SEC16B: variants seen among roughly 807,000 people sequenced by gnomAD.
SEC16B encodes the protein protein transport protein Sec16B.
Under a neutral mutation model 141.8 loss-of-function variants are expected in SEC16B, and 115 were observed. The ratio of observed to expected loss-of-function variants is 0.81; its 90% CI spans 0.70 to 0.95. The LOEUF is 0.95. Among genes scored for constraint, SEC16B ranks in the 40% least tolerant of loss-of-function variants. SEC16B has a pLI of 0.00. For missense variants in SEC16B, 1,291 were observed against 1,312.3 expected, an observed-to-expected ratio of 0.98 and a Z score of 0.25; for synonymous variants, 493 against 492.5, an observed-to-expected ratio of 1.00 and a Z score of -0.01.
chr1:177,975,375 A>C lies in SEC16B; in HGVS notation c.-58-7336T>G, dbSNP rs543456545. ...CAGCTTATACTGTATGACTGTACCC[A>C]ATAGTTTTCATAGCCTGAGTATAGA... On this transcript the variant is annotated intron_variant and NMD_transcript_variant, in intron 1 of 24. Coordinates refer to the SEC16B transcript ENST00000528461. 7.2e-5 allele frequency among the ~76,000 whole-genome samples: 11 copies of C among 152,336 alleles called. No homozygotes were observed. The East Asian group carries it at 1.9e-3, about 27-fold the overall frequency.
chr1:177,940,462 C>A, intron 17 of SEC16B, 148 bp downstream of exon 17: 1 of 580,676 alleles, frequency 1.7e-6, no homozygotes, highest in East Asian at 2.9e-5. Flanking sequence ...CAGACACCAA[C>A]TGTGCCTCAT....
chr1:177,946,308 G>T, intron 14 of SEC16B, 112 bp downstream of exon 14: 2 of 818,096 alleles, frequency 2.4e-6, no homozygotes, highest in Non-Finnish European at 4.2e-6. Context: ...GGGAGCCGGC[G>T]GTAGCTGAAA....
chr1:177,961,790 A>G, intron 5 of SEC16B, 56 bp from the exon 6 acceptor site: 1 of 1,543,698 alleles, frequency 6.5e-7, no homozygotes, highest in Admixed American at 1.8e-5. Context: ...TGGTCTTCTC[A>G]AGCGTTCCTT....
At chr1:177,969,296 T>C (rs1653792050) in intron 1 of SEC16B, among the ~76,000 whole-genome samples, 1 of 152,194 alleles carries the variant, frequency 6.6e-6, no homozygotes, top group Non-Finnish European at 1.5e-5. Context: ...CCAAGAGCTA[T>C]GAGACGGCAG....
chr1:177,964,376 C>T (rs1424976739), intron 4 of SEC16B, 97 bp from the exon 5 acceptor site: 4 of 742,248 alleles, frequency 5.4e-6, no homozygotes, highest in Non-Finnish European at 8.8e-6. Context: ...AAAGCGTGGG[C>T]AGGTACCATG....
Position 177,958,823 on chromosome 1 carries a change from A to C in SEC16B, c.1134+17T>G. 6.2e-7 allele frequency: 1 copy of C among 1,607,586 alleles called. No individual in the cohort carries two copies. ...AATTTCAGCCTGCACCTGCTCTCCCACCAGAACAGAACTTACCCCATTCTG... is the reference window on the plus strand; with the variant it reads ...AATTTCAGCCTGCACCTGCTCTCCCCCCAGAACAGAACTTACCCCATTCTG... On this transcript the variant is annotated intron_variant, in intron 9 of 25. Transcript: ENST00000308284.
chr1:177,960,481 C>T lies in SEC16B; in HGVS notation c.937-78G>A, dbSNP rs1293500589. The stretch of plus-strand genomic sequence containing the variant: ...CTTTCAGTCAAGTCTAGTGTCAGAC[C>T]CCAAGGCCGTGGGGCTAGGATATGG... On this transcript the variant is annotated intron_variant, in intron 7 of 25. Transcript: ENST00000308284. The T allele has an allele frequency of 6.8e-6, 7 of 1,027,548 alleles. No homozygotes were observed. The Middle Eastern group carries it at 6.0e-4, about 88-fold the overall frequency. 63.7% of individuals were successfully genotyped at this position (1,027,548 alleles called of 1,614,324 possible). A position where few individuals can be genotyped will look rare whatever the true frequency, so the allele number is the denominator to read the frequency against.
intron 17 of SEC16B, among the ~76,000 whole-genome samples, chr1:177,940,318 T>A (rs1651180625): frequency 6.6e-6 from 1 of 152,092 alleles, no homozygotes. Flanking sequence ...TCATGAAACA[T>A]ATTCTCTGGG....
chr1:177,940,606 T>C lies in SEC16B; in HGVS notation c.2127+4A>G. 1.2e-6 allele frequency: 2 copies of C among 1,610,948 alleles called. No individual in the cohort carries two copies. Among genetic ancestry groups the C allele is most frequent in the African/African-American group, 2.7e-5 (2 of 75,010 alleles). On this transcript the variant is annotated splice_donor_region_variant and intron_variant, in intron 17 of 25. Transcript: ENST00000308284. The stretch of plus-strand genomic sequence containing the variant: ...CCCAACGCCCTGGCTCCAATCCCAC[T>C]CACCTCCAGCTGCCTCCGAAGTTGC...
chr1:177,982,462 A>G (rs535252885), intron 1 of SEC16B, among the ~76,000 whole-genome samples: 21 of 152,340 alleles, frequency 1.4e-4, no homozygotes, highest in Admixed American at 4.6e-4. Context: ...GCAGGCAGCA[A>G]GGGTATGAAT....
intron 12 of SEC16B, chr1:177,948,763 C>T (rs1441438679): frequency 9.4e-7 from 1 of 1,069,084 alleles, no homozygotes; most frequent in Non-Finnish European, 1.2e-6. Context: ...GAGCAAGTTT[C>T]TTAATGTCTC....
At chr1:177,962,032 C>T (rs1440736141) in intron 5 of SEC16B, among the ~76,000 whole-genome samples, 1 of 152,100 alleles carries the variant, frequency 6.6e-6, no homozygotes, top group Non-Finnish European at 1.5e-5. Flanking sequence ...GTGATATAAT[C>T]ATATCTGCCC....
intron 13 of SEC16B, among the ~76,000 whole-genome samples, chr1:177,947,172 T>TA (rs1443786062): frequency 6.6e-6 from 1 of 152,150 alleles, no homozygotes; most frequent in Non-Finnish European, 1.5e-5. Flanking sequence ...AGCAATATTT[T>TA]AAAAAGCCTC....
At chr1:177,971,347 T>G (rs867298563), upstream of SEC16B, 1 of 152,252 alleles carries the variant, frequency 6.6e-6, no homozygotes, top group Non-Finnish European at 1.5e-5. Flanking sequence ...CCCAAAGTGC[T>G]GGGATTACAG....
chr1:177,943,703 G>A (rs1022558108), intron 15 of SEC16B, among the ~76,000 whole-genome samples: 1 of 152,202 alleles, frequency 6.6e-6, no homozygotes. Context: ...CCCTGGATTC[G>A]GCTGTGGGAG....
chr1:177,943,519 ATTG>A (rs1436028005), intron 15 of SEC16B, among the ~76,000 whole-genome samples: 1 of 152,198 alleles, frequency 6.6e-6, no homozygotes, highest in African/African-American at 2.4e-5. Context: ...TGTTGTTGTA[ATTG>A]TTGTTGTTGC....
At position 177,967,822 on chromosome 1, in the gene SEC16B, C is replaced by A; in HGVS notation, c.160G>T (p.Gly54Trp). Residue 54 changes from glycine (G) to tryptophan (W), a missense_variant, in exon 2 of 26, where the codon GGG becomes TGG. Gly to Trp is a radical substitution (Grantham distance 184, BLOSUM62 -2). Around this residue, in one of 3 missense-constraint regions of SEC16B, gnomAD observed 681 missense variants for 675.5 expected, o/e 1.01. Coordinates refer to ENST00000308284, the MANE Select transcript of SEC16B (RefSeq NM_033127.4). ...GGCTCCTGCTGTGGCTGGGGGCTCC[C>A]ACGGTTGTCTTGCCATTGGTGAAAC... The part of the protein sequence containing the change: ...ERFHQWQDNR[G>W]SPQPQQEPRA... 6.2e-7 allele frequency: 1 copy of A among 1,614,018 alleles called. No individual in the cohort carries two copies.
chr1:177,934,528 C>T (rs1650695076), intron 20 of SEC16B, among the ~76,000 whole-genome samples: 1 of 152,138 alleles, frequency 6.6e-6, no homozygotes, highest in Admixed American at 6.5e-5. Flanking sequence ...TGACTTTGTG[C>T]CGGGCACTGT....
rs548158997 is a variant in SEC16B at position 177,957,854 on chromosome 1, T to C, written c.1365+278A>G. 4.9e-4 allele frequency among the ~76,000 whole-genome samples: 70 copies of C among 141,784 alleles called. 1 individual carries two copies. In the South Asian group the frequency reaches 6.0e-3, roughly 12 times the overall value. The allele number at this position is 141,784 out of a possible 152,430, so 93.0% of individuals were successfully genotyped here. On this transcript the variant is annotated intron_variant, in intron 10 of 25. Transcript: ENST00000308284. ...CTCTGATAACCATCCTTCTACTGTC[T>C]ATCTCCATGAGTTCAATTGTTTTGA...
Sources: gnomAD v4.1 joint callset for allele counts (sites outside exome capture counted in the v4.1 genomes callset) on GRCh38, gnomAD v4.1.1 for gene constraint, gnomAD v4.1.1 regional missense constraint, MANE v1.5 for transcripts, NCBI Gene and HGNC (gene_info 2026-07-23, HGNC 2026-07-21) for gene names.